Variants in SNAP91 observed in about 807,000 individuals in gnomAD.
The protein encoded by SNAP91 is synaptosome associated protein 91, also known as clathrin coat assembly protein AP180.
Under a neutral mutation model 100.3 loss-of-function variants are expected in SNAP91, and 27 were observed. The observed-to-expected ratio is 0.27, with a 90% confidence interval of 0.20 to 0.37. The LOEUF (loss-of-function observed/expected upper bound fraction) is 0.37, where lower values mean the gene tolerates loss of function less well. SNAP91 is among the 10% of genes least tolerant of loss of function. The pLI, the probability that SNAP91 is intolerant of heterozygous loss-of-function variation, is 1.00. For missense variants in SNAP91, 986 were observed against 1,123.7 expected (o/e 0.88, Z 1.75); for synonymous variants, 404 against 398.6 (o/e 1.01, Z -0.16).
intron 7 of SNAP91, among the ~76,000 whole-genome samples, chr6:83,651,833 G>A (rs1051487732): frequency 7.2e-5 from 11 of 152,082 alleles, no homozygotes; most frequent in Non-Finnish European, 1.3e-4. Context: ...ATTACTGATA[G>A]AGGAGGTTGA....
At chr6:83,621,116 C>G (rs1188184614) in intron 9 of SNAP91, among the ~76,000 whole-genome samples, 1 of 152,090 alleles carries the variant, frequency 6.6e-6, no homozygotes, top group Admixed American at 6.6e-5. Context: ...GGGGTACCAC[C>G]TTCTACCCTC....
intron 2 of SNAP91, among the ~76,000 whole-genome samples, chr6:83,678,551 G>GTTC (rs2098942830): frequency 6.6e-6 from 1 of 152,104 alleles, no homozygotes. Flanking sequence ...AAAATAAATA[G>GTTC]TTCAGAAATG....
At chr6:83,648,397 A>G (rs1375675350) in intron 7 of SNAP91, among the ~76,000 whole-genome samples, 3 of 150,840 alleles carry the variant, frequency 2.0e-5, no homozygotes, top group African/African-American at 7.3e-5. Context: ...TTTTTCTATT[A>G]TGAACATTTT....
chr6:83,680,776 G>A (rs1466816013), intron 2 of SNAP91, among the ~76,000 whole-genome samples: 6 of 152,058 alleles, frequency 3.9e-5, no homozygotes, highest in African/African-American at 1.4e-4. Flanking sequence ...CCCACAAGAT[G>A]CCAATAGAAT....
In SNAP91 at chr6:83,592,474, A is replaced by C. The variant is rs746898754; in HGVS notation, c.1911T>G (p.Gly637=). Residue 637 remains glycine (G), a synonymous_variant, in exon 21 of 30, where the codon GGT becomes GGG. Transcript: ENST00000369694. ...ACGCACCCCCAAAAAGGTCTATGAC[A>C]CCTGAAGAATCCACCTTTGCTGGCG... is the stretch of plus-strand genomic sequence containing the variant. ...TASPAKVDSS[G]VIDLFGDAFG... is the part of the protein sequence containing the mutation. The C allele has an allele frequency of 6.2e-7, 1 of 1,612,490 alleles. No homozygotes were observed. The highest frequency in any genetic ancestry group is 8.5e-7 in the Non-Finnish European group (1 of 1,179,214).
chr6:83,658,933 G>A, intron 6 of SNAP91, 66 bp downstream of exon 6: 1 of 1,203,156 alleles, frequency 8.3e-7, no homozygotes, highest in East Asian at 2.5e-5. Context: ...GGATTTACCT[G>A]TAGCCCATCT....
chr6:83,655,759 T>C (rs6940118), intron 7 of SNAP91, among the ~76,000 whole-genome samples: 9,308 of 152,244 alleles, frequency 0.061, 288 homozygotes, highest in Middle Eastern at 0.085. Flanking sequence ...CTCAAGCAGG[T>C]TGTGAATAAG....
At chr6:83,568,408 T>C (rs1800614041) in intron 26 of SNAP91, among the ~76,000 whole-genome samples, 1 of 152,014 alleles carries the variant, frequency 6.6e-6, no homozygotes, top group Non-Finnish European at 1.5e-5. Context: ...GATGAGTTAA[T>C]GGGTGCAGCA....
At chr6:83,683,637 C>A (rs1321090640) in intron 2 of SNAP91, among the ~76,000 whole-genome samples, 1 of 152,144 alleles carries the variant, frequency 6.6e-6, no homozygotes, top group African/African-American at 2.4e-5. Context: ...AAATAAACTT[C>A]TTTTCTTTAT....
At chr6:83,644,786 T>C (rs558592490) in intron 7 of SNAP91, among the ~76,000 whole-genome samples, 1 of 152,204 alleles carries the variant, frequency 6.6e-6, no homozygotes, top group African/African-American at 2.4e-5. Context: ...CCAATATTGA[T>C]TCCAACATTA....
At chr6:83,669,266 T>C (rs1029586293) in intron 2 of SNAP91, among the ~76,000 whole-genome samples, 5 of 151,760 alleles carry the variant, frequency 3.3e-5, no homozygotes, top group Non-Finnish European at 7.4e-5. Flanking sequence ...TAAGTAGTTA[T>C]TATATAAGTT....
At chr6:83,601,136 T>C (rs1317816102) in intron 16 of SNAP91, 135 bp downstream of exon 16, 3 of 712,442 alleles carry the variant, frequency 4.2e-6, no homozygotes, top group Non-Finnish European at 6.9e-6. Flanking sequence ...AAGATAAATA[T>C]ACATGAATAA....
At chr6:83,618,086 A>T (rs6901361) in intron 9 of SNAP91, among the ~76,000 whole-genome samples, 124,494 of 151,770 alleles carry the variant, frequency 0.82, 51,320 homozygotes, top group East Asian at 0.96. Flanking sequence ...TAATGACAGA[A>T]TGAAATTCTT....
intron 7 of SNAP91, among the ~76,000 whole-genome samples, chr6:83,646,499 A>G (rs939221365): frequency 1.3e-5 from 2 of 152,080 alleles, no homozygotes; most frequent in Non-Finnish European, 2.9e-5. Context: ...CTCCTTTATT[A>G]TAGATCAGGT....
chr6:83,585,633 TGAA>T (rs1410203576), intron 22 of SNAP91, among the ~76,000 whole-genome samples: 10 of 152,122 alleles, frequency 6.6e-5, no homozygotes, highest in African/African-American at 2.4e-4. Flanking sequence ...ACACTATAAC[TGAA>T]GAGCCAACTG....
chr6:83,615,572 C>T (rs974272269), intron 10 of SNAP91, among the ~76,000 whole-genome samples: 4 of 152,074 alleles, frequency 2.6e-5, no homozygotes, highest in African/African-American at 9.7e-5. Flanking sequence ...TGATCATCCC[C>T]GGCCACGCTG....
intron 7 of SNAP91, among the ~76,000 whole-genome samples, chr6:83,646,863 A>G (rs1160384942): frequency 1.3e-5 from 2 of 152,182 alleles, no homozygotes; most frequent in African/African-American, 4.8e-5. Flanking sequence ...GATTTCTTTC[A>G]TAAGAGTTTT....
At chr6:83,568,923 A>G (rs1801694406) in intron 26 of SNAP91, among the ~76,000 whole-genome samples, 1 of 152,172 alleles carries the variant, frequency 6.6e-6, no homozygotes, top group Non-Finnish European at 1.5e-5. Context: ...GTATTCCTAG[A>G]AAGAGACTAT....
intron 2 of SNAP91, among the ~76,000 whole-genome samples, chr6:83,679,536 C>A (rs987642712): frequency 6.6e-6 from 1 of 152,042 alleles, no homozygotes; most frequent in Non-Finnish European, 1.5e-5. Context: ...AAGCCCCAGG[C>A]CCCATCCCTA....
Sources: allele counts gnomAD v4.1 joint callset (sites outside exome capture counted in the v4.1 genomes callset), GRCh38; gene constraint gnomAD v4.1.1; transcripts MANE v1.5; gene names NCBI Gene and HGNC (gene_info 2026-07-23, HGNC 2026-07-21).